The following GSDMD variants were observed in gnomAD, a reference collection of about 807,000 sequenced individuals.
GSDMD encodes gasdermin-D.
A neutral mutation model predicts 46.7 loss-of-function variants in GSDMD; 46 were observed. The observed-to-expected ratio is 0.99, with a 90% CI of 0.78 to 1.26. The LOEUF (loss-of-function observed/expected upper bound fraction) is 1.26. Among genes scored for constraint, GSDMD ranks in the 50% most tolerant of loss-of-function variants. The pLI is 0.00. For missense variants in GSDMD, 649 were observed against 638.8 expected, an observed-to-expected ratio of 1.02 and a Z score of -0.17; for synonymous variants, 307 against 283.1, an observed-to-expected ratio of 1.08 and a Z score of -0.85.
chr8:143,560,453 A>C, intron 3 of GSDMD, 150 bp from the exon 4 acceptor site: 5 of 734,684 alleles, frequency 6.8e-6, no homozygotes, highest in Non-Finnish European at 8.9e-6. Flanking sequence ...CCCCGTGGGG[A>C]GCACACGGAG....
In GSDMD at chr8:143,559,824, C is replaced by A. The variant is rs1237112100; in HGVS notation, c.265C>A (p.Gln89Lys). ...CCACTTCTACGATGCCATGGATGGG[C>A]AGATACAGGGCAGCGTGGAGCTGGC... ...SFHFYDAMDG[Q>K]IQGSVELAAP... The change falls in exon 3 of 11, where the codon CAG (glutamine) becomes AAG (lysine). Residue 89 changes from glutamine (Q) to lysine (K), a missense_variant. By Grantham distance (53) the Gln-to-Lys change is moderately conservative. Coordinates refer to ENST00000262580, the MANE Select transcript of GSDMD (RefSeq NM_024736.7). 6.2e-7 allele frequency: 1 copy of A among 1,611,196 alleles called. No individual in the cohort carries two copies. Among genetic ancestry groups the A allele is most frequent in the East Asian group, 2.2e-5 (1 of 44,874 alleles).
chr8:143,561,768 G>A lies in GSDMD; in HGVS notation c.763G>A (p.Ala255Thr), dbSNP rs201739470. Reference sequence around the variant, plus strand: ...CCACAAGCGTTCCACGAGCGAAGGCGCCTGGCCACAGCTGCCCTCTGGCCT... The same window carrying A: ...CCACAAGCGTTCCACGAGCGAAGGCACCTGGCCACAGCTGCCCTCTGGCCT... ...TGHKRSTSEGAWPQLPSGLSM... is the reference protein window; with the variant it reads ...TGHKRSTSEGTWPQLPSGLSM... The change falls in exon 7 of 11, where the codon GCC (alanine) becomes ACC (threonine). Residue 255 changes from alanine (A) to threonine (T), a missense_variant. Transcript: ENST00000262580. 2.5e-4 allele frequency: 400 copies of A among 1,609,626 alleles called. 1 individual carries two copies. The Middle Eastern group carries it at 3.2e-3, about 13-fold the overall frequency.
chr8:143,558,472 TC>T, intron 1 of GSDMD, 21 bp downstream of exon 1: 6 of 1,460,066 alleles, frequency 4.1e-6, no homozygotes, highest in East Asian at 2.9e-5. Flanking sequence ...CCCCGCCCCC[TC>T]CCCCGGCCTG....
At chr8:143,556,732 G>T (rs1823303874), upstream of GSDMD, among the ~76,000 whole-genome samples, 1 of 152,190 alleles carries the variant, frequency 6.6e-6, no homozygotes, top group Admixed American at 6.5e-5. Flanking sequence ...TGCAGGGGTG[G>T]GCCCATGGCC....
chr8:143,558,685 C>G (rs1460482866), intron 1 of GSDMD: 1 of 572,578 alleles, frequency 1.7e-6, no homozygotes, highest in Non-Finnish European at 3.1e-6. Context: ...CATCCAGGTT[C>G]CCGGGCCGGT....
upstream of GSDMD, among the ~76,000 whole-genome samples, chr8:143,554,735 TACAC>T (rs1217383731): frequency 7.6e-5 from 10 of 130,756 alleles, no homozygotes; most frequent in African/African-American, 2.4e-4. Context: ...CCCACGTGCA[TACAC>T]ACACACCTGC....
At chr8:143,557,375 A>G (rs76515962), upstream of GSDMD, among the ~76,000 whole-genome samples, 22,759 of 68,486 alleles carry the variant, frequency 0.33, 4,281 homozygotes, top group Non-Finnish European at 0.41. Context: ...TGCTGCCGCT[A>G]TGGCGAAGGA....
At chr8:143,557,445 C>T (rs76463994), upstream of GSDMD, among the ~76,000 whole-genome samples, 4 of 79,664 alleles carry the variant, frequency 5.0e-5, no homozygotes, top group Non-Finnish European at 1.2e-4. Context: ...GCTGTGACGA[C>T]GGATGCTGCC....
At position 143,562,123 on chromosome 8, in the gene GSDMD, G is replaced by C; in HGVS notation, c.988G>C (p.Glu330Gln). 1.3e-6 allele frequency: 2 copies of C among 1,598,472 alleles called. No homozygotes were observed. Among genetic ancestry groups the C allele is most frequent in the African/African-American group, 2.7e-5 (2 of 74,994 alleles). The part of the protein sequence containing the change: ...LRDQLALRAL[E>Q]EALEQGQSLG... ...GGACCAGCTGGCCCTGCGAGCCTTG[G>C]AGGAGGCGGTGAGCGGGGGAGGGTG... Residue 330 changes from glutamate (E) to glutamine (Q), a missense_variant, in exon 8 of 11, where the codon GAG becomes CAG. Transcript: ENST00000262580.
upstream of GSDMD, chr8:143,555,124 G>C (rs576153162): frequency 6.6e-6 from 1 of 152,400 alleles, no homozygotes; most frequent in East Asian, 1.9e-4. Flanking sequence ...ACTGGCCTCA[G>C]ACCTACCAGG....
Position 143,562,758 on chromosome 8 carries a change from C to G in GSDMD, c.1309C>G (p.Pro437Ala), listed in dbSNP as rs745331908. Reference sequence around the variant, plus strand: ...GGGGAACAGCTGGGGCGAAGGAGCACCGGCCTGGGTCTTGCTGGACGAGTG... The same window carrying G: ...GGGGAACAGCTGGGGCGAAGGAGCAGCGGCCTGGGTCTTGCTGGACGAGTG... ...LLGNSWGEGA[P>A]AWVLLDECGL... Residue 437 changes from proline to alanine, a missense_variant, in exon 11 of 11, where the codon CCG becomes GCG. Transcript: ENST00000262580. 6.3e-6 allele frequency: 10 copies of G among 1,587,380 alleles called. No individual in the cohort carries two copies. Among genetic ancestry groups the G allele is most frequent in the Non-Finnish European group, 8.6e-6 (10 of 1,167,138 alleles).
chr8:143,560,853 G>C, intron 4 of GSDMD, 82 bp downstream of exon 4: 6 of 1,442,122 alleles, frequency 4.2e-6, no homozygotes, highest in Non-Finnish European at 4.6e-6. Context: ...GCTGGGCTCC[G>C]CCAAGGCCCC....
rs752929582 is a variant in GSDMD, at chr8:143,560,752, C to T, written c.560C>T (p.Pro187Leu). The change falls in exon 4 of 11, where the codon CCC becomes CTC. Residue 187 changes from proline (P) to leucine (L), a missense_variant. By Grantham distance (98) the Pro-to-Leu change is moderately conservative. Coordinates refer to ENST00000262580, the MANE Select transcript of GSDMD (RefSeq NM_024736.7). ...GAGGGCTCGGGCCGGTTTTCCCTGC[C>T]CGGAGCCACGTGCTTGCAGGTGTGT... ...KREGSGRFSL[P>L]GATCLQGEGQ... 7.1e-6 allele frequency: 11 copies of T among 1,553,192 alleles called. No homozygotes were observed. Among genetic ancestry groups the T allele is most frequent in the Non-Finnish European group, 9.6e-6 (11 of 1,148,748 alleles).
Position 143,562,139 on chromosome 8 carries a change from G to A in GSDMD, c.996+8G>A. 2 of 1,598,348 alleles carry A rather than the reference G, an allele frequency of 1.3e-6. No homozygotes were observed. The highest frequency in any genetic ancestry group is 1.7e-6 in the Non-Finnish European group (2 of 1,179,326). On this transcript the variant is annotated splice_region_variant and intron_variant, in intron 8 of 10. Coordinates refer to ENST00000262580, the MANE Select transcript of GSDMD (RefSeq NM_024736.7). ...CGAGCCTTGGAGGAGGCGGTGAGCG[G>A]GGGAGGGTGCCCGGGGCACACAAGG...
intron 2 of GSDMD, 80 bp downstream of exon 2, chr8:143,559,632 G>C: frequency 2.0e-6 from 3 of 1,467,806 alleles, no homozygotes; most frequent in Non-Finnish European, 2.8e-6. Context: ...CCATCCACTG[G>C]GCTCTGCAGC....
intron 3 of GSDMD, chr8:143,560,252 C>A: frequency 1.5e-6 from 1 of 687,282 alleles, no homozygotes; most frequent in Non-Finnish European, 2.7e-6. Flanking sequence ...TGGCCGGAAC[C>A]AGCTTGCAGG....
At chr8:143,559,724 G>A in intron 2 of GSDMD, 53 bp from the exon 3 acceptor site, 3 of 1,536,646 alleles carry the variant, frequency 2.0e-6, no homozygotes, top group Non-Finnish European at 2.6e-6. Context: ...GGCTGGTGGG[G>A]GCGGGGGAGA....
rs201583128 is a variant in GSDMD at position 143,561,371 on chromosome 8, C to G, written c.684C>G (p.Asp228Glu). ...VAQLVIDSDLDVLLFPDKKQR... is the reference protein window; with the variant it reads ...VAQLVIDSDLEVLLFPDKKQR... ...TGTCTGCTCCCGTCTGGCTGCCAGA[C>G]GTCCTTCTCTTCCCGGATAAGAAGC... is the stretch of plus-strand genomic sequence containing the variant. Residue 228 changes from aspartate to glutamate, a missense_variant and splice_region_variant, in exon 6 of 11, where the codon GAC becomes GAG. By Grantham distance (45) the Asp-to-Glu change is conservative. Coordinates refer to ENST00000262580, the MANE Select transcript of GSDMD (RefSeq NM_024736.7). 2 of 1,608,222 alleles carry G rather than the reference C, an allele frequency of 1.2e-6. No individual in the cohort carries two copies. The highest frequency in any genetic ancestry group is 1.3e-5 in the African/African-American group (1 of 74,932).
chr8:143,561,840 C>A lies in GSDMD; in HGVS notation c.823+12C>A. ...CAACTTCCTGACAGGTCAGTGCCCT[C>A]CTGACCGCCCCGGGGACCTTTGGTG... On this transcript the variant is annotated intron_variant, in intron 7 of 10. Coordinates refer to ENST00000262580, the MANE Select transcript of GSDMD (RefSeq NM_024736.7). 6.2e-7 allele frequency: 1 copy of A among 1,609,988 alleles called. No homozygotes were observed. Among genetic ancestry groups the A allele is most frequent in the Non-Finnish European group, 8.5e-7 (1 of 1,178,008 alleles).
Sources: allele counts gnomAD v4.1 joint callset (sites outside exome capture counted in the v4.1 genomes callset), GRCh38; gene constraint gnomAD v4.1.1; transcripts MANE v1.5; gene names NCBI Gene and HGNC (gene_info 2026-07-23, HGNC 2026-07-21).